Variants in KCNIP1 observed in about 807,000 individuals in gnomAD.
KCNIP1 encodes the protein A-type potassium channel modulatory protein KCNIP1.
Under a neutral mutation model 33.0 loss-of-function variants are expected in KCNIP1, and 18 were observed. The observed-to-expected ratio is 0.55, with a 90% CI of 0.38 to 0.81. The LOEUF (loss-of-function observed/expected upper bound fraction) is 0.81, where lower values mean the gene tolerates loss of function less well. Ranked by LOEUF, KCNIP1 falls within the 30% of genes least tolerant of loss-of-function variation. The pLI is 0.00. For missense variants in KCNIP1, 238 were observed against 271.6 expected (o/e 0.88, Z 0.87); for synonymous variants, 93 against 98.3 (o/e 0.95, Z 0.32).
At chr5:170,577,432 T>G (rs765918673) in intron 1 of KCNIP1, among the ~76,000 whole-genome samples, 2 of 152,196 alleles carry the variant, frequency 1.3e-5, no homozygotes, top group Non-Finnish European at 2.9e-5. Context: ...ATACATTGAG[T>G]CAAAAGCTGG....
At chr5:170,673,446 T>C (rs1761999699) in intron 1 of KCNIP1, among the ~76,000 whole-genome samples, 1 of 152,246 alleles carries the variant, frequency 6.6e-6, no homozygotes. Context: ...TACAGTGACG[T>C]AGGTCTACCA....
intron 1 of KCNIP1, among the ~76,000 whole-genome samples, chr5:170,480,850 CTAA>C (rs1391563753): frequency 6.6e-6 from 1 of 152,108 alleles, no homozygotes; most frequent in African/African-American, 2.4e-5. Flanking sequence ...AGCATGACTA[CTAA>C]TTTCTATTTT....
intron 1 of KCNIP1, chr5:170,385,197 AC>A: frequency 1.8e-6 from 2 of 1,130,558 alleles, no homozygotes; most frequent in East Asian, 2.4e-5. Context: ...CATCGTCTTG[AC>A]CCTGCTGCCT....
In KCNIP1 at chr5:170,390,517, A is replaced by AATATAT. The variant is rs1554088940; in HGVS notation, c.88+36570_88+36575dup. On this transcript the variant is annotated intron_variant, in intron 1 of 7. Coordinates refer to the KCNIP1 transcript ENST00000377360. ...GACCCCGTCTCAAAAAAAAAAAACAAATATATATATATATATATATATTTT... is the reference window on the plus strand; with the variant it reads ...GACCCCGTCTCAAAAAAAAAAAACAAATATATATATATATATATATATATATATTTT... Among the ~76,000 whole-genome samples, 46 of 74,524 alleles carry AATATAT rather than the reference A, an allele frequency of 6.2e-4. No homozygotes were observed. The Middle Eastern group carries it at 0.02, about 32-fold the overall frequency. The allele number at this position is 74,524 out of a possible 152,430, so 48.9% of individuals were successfully genotyped here. A position where few individuals can be genotyped will look rare whatever the true frequency, so the allele number is the denominator to read the frequency against.
At chr5:170,389,677 T>G (rs1387115204) in intron 1 of KCNIP1, 1 of 152,244 alleles carries the variant, frequency 6.6e-6, no homozygotes, top group Non-Finnish European at 1.5e-5. Context: ...GAAATGATTC[T>G]CCTTTTGTTG....
intron 1 of KCNIP1, among the ~76,000 whole-genome samples, chr5:170,419,653 A>G (rs1030902056): frequency 1.3e-5 from 2 of 152,202 alleles, no homozygotes; most frequent in Non-Finnish European, 2.9e-5. Context: ...AGTGCTTAAT[A>G]TACGTGATCT....
intron 1 of KCNIP1, among the ~76,000 whole-genome samples, chr5:170,595,169 G>T (rs1430015212): frequency 2.0e-5 from 3 of 152,184 alleles, no homozygotes; most frequent in Admixed American, 2.0e-4. Flanking sequence ...GATGGGGCTT[G>T]TCTGGGGTTG....
At chr5:170,362,653 C>T (rs1292478071) in intron 1 of KCNIP1, among the ~76,000 whole-genome samples, 1 of 152,168 alleles carries the variant, frequency 6.6e-6, no homozygotes, top group Non-Finnish European at 1.5e-5. Context: ...GGCCAATTTT[C>T]ATTTATTGCT....
At chr5:170,538,370 T>C (rs924811617) in intron 1 of KCNIP1, among the ~76,000 whole-genome samples, 7 of 152,170 alleles carry the variant, frequency 4.6e-5, no homozygotes, top group African/African-American at 1.7e-4. Flanking sequence ...AATATTCTAT[T>C]ACGACTGTTA....
intron 1 of KCNIP1, among the ~76,000 whole-genome samples, chr5:170,673,553 T>C (rs1336045482): frequency 6.6e-6 from 1 of 152,250 alleles, no homozygotes; most frequent in Non-Finnish European, 1.5e-5. Context: ...TGGGACCTAG[T>C]ATCTGTTCTA....
At chr5:170,587,236 A>T (rs1320745530) in intron 1 of KCNIP1, among the ~76,000 whole-genome samples, 1 of 152,088 alleles carries the variant, frequency 6.6e-6, no homozygotes, top group Non-Finnish European at 1.5e-5. Flanking sequence ...AGCCTGGCCA[A>T]CATGGTGAAA....
At chr5:170,514,348 G>T (rs996504890) in intron 1 of KCNIP1, among the ~76,000 whole-genome samples, 1 of 152,166 alleles carries the variant, frequency 6.6e-6, no homozygotes, top group African/African-American at 2.4e-5. Flanking sequence ...GACTCTCCCA[G>T]ATGTCCAAAT....
intron 1 of KCNIP1, among the ~76,000 whole-genome samples, chr5:170,699,920 G>A (rs769040228): frequency 2.0e-5 from 3 of 152,150 alleles, no homozygotes; most frequent in African/African-American, 4.8e-5. Context: ...CCCAGCAAAC[G>A]GGAGGGACCA....
intron 1 of KCNIP1, among the ~76,000 whole-genome samples, chr5:170,490,952 CT>C (rs1473230047): frequency 6.6e-6 from 1 of 152,212 alleles, no homozygotes; most frequent in Non-Finnish European, 1.5e-5. Context: ...AATCAGTCTC[CT>C]TTTCTTGTAA....
intron 1 of KCNIP1, among the ~76,000 whole-genome samples, chr5:170,612,893 C>G (rs535289698): frequency 6.6e-6 from 1 of 152,158 alleles, no homozygotes; most frequent in Non-Finnish European, 1.5e-5. Flanking sequence ...CTATAGGGCC[C>G]GCTGGTTCCT....
intron 1 of KCNIP1, among the ~76,000 whole-genome samples, chr5:170,628,104 C>T (rs1486203865): frequency 2.6e-5 from 4 of 152,298 alleles, no homozygotes; most frequent in East Asian, 1.9e-4. Flanking sequence ...GTGACAGAGA[C>T]AGCATTGGAA....
intron 1 of KCNIP1, among the ~76,000 whole-genome samples, chr5:170,667,485 T>C (rs544983023): frequency 6.5e-4 from 99 of 152,334 alleles, no homozygotes; most frequent in African/African-American, 2.4e-3. Context: ...ATGAAATTCA[T>C]CCGGTCCTTC....
At chr5:170,360,887 C>T (rs1166862699) in intron 1 of KCNIP1, among the ~76,000 whole-genome samples, 8 of 152,218 alleles carry the variant, frequency 5.3e-5, no homozygotes, top group Non-Finnish European at 1.2e-4. Flanking sequence ...AACATCAGGC[C>T]ATGTGGCTGG....
chr5:170,612,532 C>T (rs1168592251), intron 1 of KCNIP1, among the ~76,000 whole-genome samples: 1 of 152,166 alleles, frequency 6.6e-6, no homozygotes, highest in African/African-American at 2.4e-5. Flanking sequence ...GTCTTCTGCC[C>T]GCAGGCTGAA....
Sources: allele counts gnomAD v4.1 joint callset (sites outside exome capture counted in the v4.1 genomes callset), GRCh38; gene constraint gnomAD v4.1.1; transcripts MANE v1.5; gene names NCBI Gene and HGNC (gene_info 2026-07-23, HGNC 2026-07-21).